Variants in TRIM65 observed in about 807,000 individuals in gnomAD.
TRIM65 encodes E3 ubiquitin-protein ligase TRIM65.
Under a neutral mutation model 36.1 loss-of-function variants are expected in TRIM65, and 46 were observed. The observed-to-expected ratio is 1.27, with a 90% CI of 1.01 to 1.63. The LOEUF (loss-of-function observed/expected upper bound fraction) is 1.63. Ranked by LOEUF, TRIM65 falls within the 40% of genes most tolerant of loss-of-function variation. TRIM65 has a pLI of 0.00. For synonymous variants in TRIM65, 346 were observed against 313.6 expected, an observed-to-expected ratio of 1.10 and a Z score of -1.09; for missense variants, 708 against 696.6, an observed-to-expected ratio of 1.02 and a Z score of -0.18.
rs200811260 is a variant in TRIM65 at position 75,891,864 on chromosome 17, G to C, written c.934C>G (p.Leu312Val). 6.2e-7 allele frequency: 1 copy of C among 1,612,502 alleles called. No homozygotes were observed. The highest frequency in any genetic ancestry group is 2.2e-5 in the East Asian group (1 of 44,866). ...DLAPVEAPGP[L>V]APVPSTVCPL... Reference sequence around the variant, plus strand: ...CAAACTGTGCTTGGGACCGGTGCCAGGGGACCTGGGGCCTCTAGGGGGCAA... The same window carrying C: ...CAAACTGTGCTTGGGACCGGTGCCACGGGACCTGGGGCCTCTAGGGGGCAA... Residue 312 changes from leucine (L) to valine (V), a missense_variant, in exon 5 of 6, where the codon CTG (leucine) becomes GTG (valine). By Grantham distance (32) the Leu-to-Val change is conservative (BLOSUM62 1). Coordinates refer to ENST00000269383, the MANE Select transcript of TRIM65 (RefSeq NM_173547.4).
intron 1 of TRIM65, among the ~76,000 whole-genome samples, chr17:75,896,321 C>CT (rs1453587245): frequency 1.3e-5 from 2 of 152,184 alleles, no homozygotes; most frequent in Non-Finnish European, 2.9e-5. Flanking sequence ...TCCCAAAGTG[C>CT]TGGGATTACA....
rs781270071 is a variant in TRIM65, at chr17:75,892,327, A to G, written c.684T>C (p.Ala228=). 1.9e-5 allele frequency: 30 copies of G among 1,612,770 alleles called. No homozygotes were observed. The highest frequency in any genetic ancestry group is 1.6e-4 in the Middle Eastern group (1 of 6,082). The change falls in exon 3 of 6, where the codon GCT becomes GCC. Residue 228 remains alanine (A), a synonymous_variant. Coordinates refer to ENST00000269383, the MANE Select transcript of TRIM65 (RefSeq NM_173547.4). ...GCTCCCGGATCCTGCAGCCATGGCG[A>G]GCCACAGCCTCCAAATGGACCCGCA... is the stretch of plus-strand genomic sequence containing the variant. ...QRLRVHLEAV[A]RHGCRIRELL...
At position 75,890,659 on chromosome 17, in the gene TRIM65, CTCTT is replaced by C; in HGVS notation, c.*116_*119del. 1 of 854,646 alleles carries C rather than the reference CTCTT, an allele frequency of 1.2e-6. No individual in the cohort carries two copies. The highest frequency in any genetic ancestry group is 1.8e-5 in the African/African-American group (1 of 56,828). The allele number at this position is 854,646 out of a possible 1,614,324, so 52.9% of individuals were successfully genotyped here. Reference sequence around the variant, plus strand: ...ATGCTCACCTCCCCCAACCTCCCATCTCTTTCTGAGTTAACAGAGAGGCCAACAG... The same window carrying C: ...ATGCTCACCTCCCCCAACCTCCCATCTCTGAGTTAACAGAGAGGCCAACAG... On this transcript the variant is annotated 3_prime_UTR_variant, in exon 6 of 6. Coordinates refer to ENST00000269383, the MANE Select transcript of TRIM65 (RefSeq NM_173547.4).
At position 75,890,917 on chromosome 17, in the gene TRIM65, C is replaced by A; in HGVS notation, c.1416G>T (p.Gln472His). Residue 472 changes from glutamine to histidine, a missense_variant, in exon 6 of 6, where the codon CAG becomes CAT. Transcript: ENST00000269383. ...LTFYSLEPQT[Q>H]PLYTFHALFN... is the part of the protein sequence containing the mutation. Reference sequence around the variant, plus strand: ...AGAGGGCATGGAAGGTGTACAGGGGCTGGGTCTGGGGCTCCAGGCTGTAGA... The same window carrying A: ...AGAGGGCATGGAAGGTGTACAGGGGATGGGTCTGGGGCTCCAGGCTGTAGA... 5 of 1,550,364 alleles carry A rather than the reference C, an allele frequency of 3.2e-6. No homozygotes were observed. The highest frequency in any genetic ancestry group is 4.4e-6 in the Non-Finnish European group (5 of 1,148,054).
Position 75,891,883 on chromosome 17 carries a change from G to C in TRIM65, c.920-5C>G, listed in dbSNP as rs764308509. 6.2e-7 allele frequency: 1 copy of C among 1,610,544 alleles called. No homozygotes were observed. The highest frequency in any genetic ancestry group is 8.5e-7 in the Non-Finnish European group (1 of 1,178,386). On this transcript the variant is annotated splice_polypyrimidine_tract_variant and splice_region_variant and intron_variant, in intron 4 of 5. Transcript: ENST00000269383. ...GTGCCAGGGGACCTGGGGCCTCTAG[G>C]GGGCAAAGCAGTGTTAAGGGAATGG...
downstream of TRIM65, among the ~76,000 whole-genome samples, chr17:75,887,787 C>T (rs566994167): frequency 1.8e-3 from 268 of 152,214 alleles, 1 homozygote; most frequent in Admixed American, 4.6e-3. Context: ...TTTGGGAGGC[C>T]CAGGCGGGTG....
rs1189492112 is a variant in TRIM65, at chr17:75,890,380, T to C, written c.*399A>G. On this transcript the variant is annotated 3_prime_UTR_variant, in exon 6 of 6. Transcript: ENST00000269383. ...GAGGAGGGAGGAATCTGTCTCCCCC[T>C]GGGACTACTCTGGCTCACCGCCCCT... 1 of 163,334 alleles carries C rather than the reference T, an allele frequency of 6.1e-6. No individual in the cohort carries two copies. Among genetic ancestry groups the C allele is most frequent in the Non-Finnish European group, 1.3e-5 (1 of 75,982 alleles). 10.1% of individuals were successfully genotyped at this position (163,334 alleles called of 1,614,324 possible). A position where few individuals can be genotyped will look rare whatever the true frequency, so the allele number is the denominator to read the frequency against.
At chr17:75,894,994 G>A (rs1443079746) in intron 1 of TRIM65, among the ~76,000 whole-genome samples, 1 of 152,162 alleles carries the variant, frequency 6.6e-6, no homozygotes, top group Non-Finnish European at 1.5e-5. Flanking sequence ...GGCAGGGCTG[G>A]GGCCAGGGTC....
rs1467731352 is a variant in TRIM65, at chr17:75,891,879, C to G, written c.920-1G>C. Reference sequence around the variant, plus strand: ...ACCGGTGCCAGGGGACCTGGGGCCTCTAGGGGGCAAAGCAGTGTTAAGGGA... The same window carrying G: ...ACCGGTGCCAGGGGACCTGGGGCCTGTAGGGGGCAAAGCAGTGTTAAGGGA... On this transcript the variant is annotated splice_acceptor_variant, in intron 4 of 5. Transcript: ENST00000269383. LOFTEE classifies it high-confidence loss of function. The G allele has an allele frequency of 6.2e-7, 1 of 1,611,098 alleles. No homozygotes were observed. The highest frequency in any genetic ancestry group is 1.7e-4 in the Middle Eastern group (1 of 6,046).
downstream of TRIM65, among the ~76,000 whole-genome samples, chr17:75,885,206 G>T (rs773357114): frequency 6.6e-6 from 1 of 152,196 alleles, no homozygotes; most frequent in African/African-American, 2.4e-5. Flanking sequence ...GATTACAGGC[G>T]TGAGCCACTG....
chr17:75,891,248 G>A lies in TRIM65; in HGVS notation c.1085C>T (p.Pro362Leu). Residue 362 changes from proline (P) to leucine (L), a missense_variant, in exon 6 of 6, where the codon CCA becomes CTA. By Grantham distance (98) the Pro-to-Leu change is moderately conservative (BLOSUM62 -3). Coordinates refer to ENST00000269383, the MANE Select transcript of TRIM65 (RefSeq NM_173547.4). ...GAGCTCAAAGCTGCCGGGCCCGCCT[G>A]GGCCCCGGGACTGACGACAGTGCTT... ...QVKHCRQSRGPGGPGSFELWQ... is the reference protein window; with the variant it reads ...QVKHCRQSRGLGGPGSFELWQ... 1 of 1,612,914 alleles carries A rather than the reference G, an allele frequency of 6.2e-7. No homozygotes were observed. Among genetic ancestry groups the A allele is most frequent in the East Asian group, 2.2e-5 (1 of 44,882 alleles).
rs2065240417 is a variant in TRIM65, at chr17:75,889,646, A to AG, written c.*1132dup. 2.6e-5 allele frequency: 4 copies of AG among 152,146 alleles called. No homozygotes were observed. Among genetic ancestry groups the AG allele is most frequent in the Admixed American group, 2.0e-4 (3 of 15,274 alleles). The allele number at this position is 152,146 out of a possible 1,614,324, so 9.4% of individuals were successfully genotyped here. On this transcript the variant is annotated 3_prime_UTR_variant, in exon 6 of 6. Transcript: ENST00000269383. Reference sequence around the variant, plus strand: ...CACGTGCTGCTTAGTGACAGGGTTGAGGGGCCTTAGTCGGCTTGACTCAAG... The same window carrying AG: ...CACGTGCTGCTTAGTGACAGGGTTGAGGGGGCCTTAGTCGGCTTGACTCAAG...
rs747693823 is a variant in TRIM65 at position 75,891,182 on chromosome 17, T to C, written c.1151A>G (p.His384Arg). 6.2e-7 allele frequency: 1 copy of C among 1,611,192 alleles called. No individual in the cohort carries two copies. The highest frequency in any genetic ancestry group is 8.5e-7 in the Non-Finnish European group (1 of 1,179,962). Residue 384 changes from histidine to arginine, a missense_variant, in exon 6 of 6, where the codon CAC becomes CGC. Physicochemically the swap from His to Arg is conservative, Grantham distance 29. Coordinates refer to ENST00000269383, the MANE Select transcript of TRIM65 (RefSeq NM_173547.4). ...GTCTGACGCGCGCACCTCCCAGTAG[T>C]GGTGCCCGGCCTGGAAGCTCTGGGC... Reference protein sequence around the residue: ...QCAQSFQAGHHYWEVRASDHS... With the variant: ...QCAQSFQAGHRYWEVRASDHS...
At chr17:75,886,850 C>T (rs188344461), downstream of TRIM65, among the ~76,000 whole-genome samples, 4 of 152,290 alleles carry the variant, frequency 2.6e-5, no homozygotes, top group African/African-American at 9.6e-5. Flanking sequence ...TCTGTGCTGC[C>T]TTTTCCCTCG....
At chr17:75,891,718 T>A in intron 5 of TRIM65, 95 bp downstream of exon 5, 1 of 1,418,366 alleles carries the variant, frequency 7.1e-7, no homozygotes, top group Non-Finnish European at 9.6e-7. Flanking sequence ...CACACGTGCA[T>A]ACGAACATGC....
At chr17:75,886,063 T>C (rs1252844782), downstream of TRIM65, among the ~76,000 whole-genome samples, 1 of 152,142 alleles carries the variant, frequency 6.6e-6, no homozygotes, top group Non-Finnish European at 1.5e-5. Context: ...GCTGTTCTCA[T>C]GGTAATGAAT....
At chr17:75,883,415 C>T (rs2065181517) in intron 4 of TRIM65, among the ~76,000 whole-genome samples, 1 of 151,992 alleles carries the variant, frequency 6.6e-6, no homozygotes, top group Non-Finnish European at 1.5e-5. Context: ...CGGTGCCTAG[C>T]CTTCTTTATG....
At position 75,891,996 on chromosome 17, in the gene TRIM65, T is replaced by A. The variant is rs1218982494; in HGVS notation, c.919+15A>T. The A allele has an allele frequency of 1.3e-6, 2 of 1,551,668 alleles. No homozygotes were observed. The highest frequency in any genetic ancestry group is 2.7e-5 in the African/African-American group (2 of 73,076). On this transcript the variant is annotated intron_variant, in intron 4 of 5. Coordinates refer to ENST00000269383, the MANE Select transcript of TRIM65 (RefSeq NM_173547.4). ...GGACCCAGGACAGCAGGGGGAGGCC[T>A]GGGGTCAGTCTTACCCACGGGGGCT...
At chr17:75,880,551 C>G (rs2065163067) in exon 5 of TRIM65, 2 of 150,642 alleles carry the variant, frequency 1.3e-5, no homozygotes, top group Admixed American at 1.3e-4. Flanking sequence ...TGAAAATACT[C>G]TATTTCCAAA....
Sources: gnomAD v4.1 joint callset for allele counts (sites outside exome capture counted in the v4.1 genomes callset) on GRCh38, gnomAD v4.1.1 for gene constraint, MANE v1.5 for transcripts, NCBI Gene and HGNC (gene_info 2026-07-23, HGNC 2026-07-21) for gene names.